Variants in PATJ observed in about 807,000 individuals in gnomAD.
PATJ encodes PATJ crumbs cell polarity complex component.
Under a neutral mutation model 224.9 loss-of-function variants are expected in PATJ, and 190 were observed. The ratio of observed to expected loss-of-function variants is 0.84; its 90% CI spans 0.75 to 0.95. The LOEUF (loss-of-function observed/expected upper bound fraction) is 0.95, where lower values mean the gene tolerates loss of function less well. Ranked by LOEUF, PATJ falls within the 40% of genes least tolerant of loss-of-function variation. PATJ has a pLI of 0.00. For missense variants in PATJ, 2,121 were observed against 2,270.3 expected, an observed-to-expected ratio of 0.93 and a Z score of 1.34; for synonymous variants, 769 against 820.3, an observed-to-expected ratio of 0.94 and a Z score of 1.07.
intron 7 of PATJ, among the ~76,000 whole-genome samples, chr1:61,780,875 G>A (rs765673104): frequency 7.2e-5 from 11 of 152,124 alleles, no homozygotes; most frequent in Admixed American, 2.0e-4. Flanking sequence ...TCTGATTTTC[G>A]CCCTTTACTG....
intron 20 of PATJ, 91 bp downstream of exon 20, chr1:61,864,724 T>C: frequency 8.3e-7 from 1 of 1,205,072 alleles, no homozygotes; most frequent in Non-Finnish European, 1.2e-6. Context: ...TGTTGTTTGT[T>C]TTTAAATGGG....
intron 38 of PATJ, among the ~76,000 whole-genome samples, chr1:62,122,181 A>G (rs1665140823): frequency 6.6e-6 from 1 of 151,876 alleles, no homozygotes; most frequent in South Asian, 2.1e-4. Context: ...CCTGGCCAAC[A>G]TGGAGAAACC....
intron 34 of PATJ, among the ~76,000 whole-genome samples, chr1:62,113,256 T>C (rs1403605235): frequency 6.6e-6 from 1 of 152,178 alleles, no homozygotes; most frequent in Admixed American, 6.5e-5. Context: ...TGAGAAGACT[T>C]CAAGGGGTCT....
intron 20 of PATJ, among the ~76,000 whole-genome samples, chr1:61,868,663 C>G (rs1665778251): frequency 1.3e-5 from 2 of 152,060 alleles, no homozygotes; most frequent in African/African-American, 2.4e-5. Context: ...GTGGTGCATG[C>G]CTGTGGTTCC....
At chr1:62,073,888 A>AT (rs1309801442) in intron 31 of PATJ, among the ~76,000 whole-genome samples, 1 of 152,118 alleles carries the variant, frequency 6.6e-6, no homozygotes, top group Non-Finnish European at 1.5e-5. Context: ...AAATGGAAGA[A>AT]TTTCTATAAA....
Position 61,899,633 on chromosome 1 carries a change from G to C in PATJ, c.3182G>C (p.Ser1061Thr). The C allele has an allele frequency of 6.2e-7, 1 of 1,606,288 alleles. No individual in the cohort carries two copies. Among genetic ancestry groups the C allele is most frequent in the Non-Finnish European group, 8.5e-7 (1 of 1,176,346 alleles). ...EGEGEETPNF[S>T]HWGPPRIVEI... Reference sequence around the variant, plus strand: ...GAAGGAGAAGAAACTCCAAATTTTAGCCACTGGGGTCCACCGAGAATGTAT... The same window carrying C: ...GAAGGAGAAGAAACTCCAAATTTTACCCACTGGGGTCCACCGAGAATGTAT... The change falls in exon 23 of 44, where the codon AGC becomes ACC. Residue 1061 changes from serine (S) to threonine (T), a missense_variant. Transcript: ENST00000642238.
intron 13 of PATJ, among the ~76,000 whole-genome samples, chr1:61,806,306 A>G (rs1204235991): frequency 4.6e-5 from 7 of 152,164 alleles, no homozygotes. Context: ...ATCTGTTGTC[A>G]CAGAATTTTC....
intron 20 of PATJ, among the ~76,000 whole-genome samples, chr1:61,871,557 ATT>A (rs71582650): frequency 0.027 from 1,449 of 54,562 alleles, 13 homozygotes; most frequent in African/African-American, 0.054. Context: ...ATATATATAT[ATT>A]TTTTTTTTTT....
At chr1:61,896,034 C>T (rs1022909360) in intron 22 of PATJ, among the ~76,000 whole-genome samples, 2 of 152,116 alleles carry the variant, frequency 1.3e-5, no homozygotes, top group Admixed American at 6.5e-5. Flanking sequence ...CGGTTGCTGA[C>T]GCCTATAATC....
At chr1:62,099,802 T>C (rs1661919243) in intron 33 of PATJ, among the ~76,000 whole-genome samples, 1 of 152,226 alleles carries the variant, frequency 6.6e-6, no homozygotes, top group Admixed American at 6.5e-5. Context: ...CTTATTGATA[T>C]CCTTCAGCCC....
intron 28 of PATJ, among the ~76,000 whole-genome samples, chr1:61,996,015 C>T (rs147515125): frequency 0.011 from 1,639 of 152,262 alleles, 14 homozygotes; most frequent in Middle Eastern, 0.041. Flanking sequence ...GTGTATTGAG[C>T]TGTGTTTTGT....
At chr1:61,984,442 A>G (rs1277160461) in intron 27 of PATJ, among the ~76,000 whole-genome samples, 3 of 151,998 alleles carry the variant, frequency 2.0e-5, no homozygotes, top group Non-Finnish European at 4.4e-5. Context: ...GATTACAGGC[A>G]TGAGCCCCTG....
chr1:62,079,324 A>G (rs1658868846), intron 31 of PATJ, 126 bp from the exon 32 acceptor site: 1 of 631,850 alleles, frequency 1.6e-6, no homozygotes, highest in Admixed American at 2.8e-5. Context: ...CCACCCTCCA[A>G]CCTTATATTC....
chr1:62,013,336 A>G, intron 28 of PATJ: 2 of 985,140 alleles, frequency 2.0e-6, no homozygotes, highest in Non-Finnish European at 2.4e-6. Flanking sequence ...TTTTTTTTTA[A>G]CCTTAGTCAC....
rs1442035282 is a variant in PATJ, at chr1:61,827,593, G to A, written c.1980+10G>A. The A allele has an allele frequency of 3.7e-6, 6 of 1,612,392 alleles. No homozygotes were observed. Among genetic ancestry groups the A allele is most frequent in the South Asian group, 2.2e-5 (2 of 90,840 alleles). On this transcript the variant is annotated intron_variant, in intron 16 of 43. Transcript: ENST00000642238. ...TCTTCCTGAGACAGAGGTACTAAAT[G>A]AATATAGTGCATTTCCCATAGGCAT... is the stretch of plus-strand genomic sequence containing the variant.
intron 29 of PATJ, among the ~76,000 whole-genome samples, chr1:62,035,614 CA>C (rs1445075869): frequency 4.7e-5 from 6 of 127,332 alleles, no homozygotes; most frequent in East Asian, 2.7e-4. Flanking sequence ...ACCATTCATT[CA>C]TTTTTTTTTT....
intron 9 of PATJ, among the ~76,000 whole-genome samples, chr1:61,792,891 C>T (rs1650196223): frequency 6.6e-6 from 1 of 152,078 alleles, no homozygotes; most frequent in South Asian, 2.1e-4. Flanking sequence ...GCAGGGAGCA[C>T]ATAAATCCAA....
At chr1:62,096,422 C>T (rs1434303905) in intron 33 of PATJ, among the ~76,000 whole-genome samples, 1 of 152,144 alleles carries the variant, frequency 6.6e-6, no homozygotes, top group African/African-American at 2.4e-5. Context: ...AATGAGACTC[C>T]TGCAGTCTGG....
intron 33 of PATJ, among the ~76,000 whole-genome samples, chr1:62,087,590 A>G (rs1434658153): frequency 1.3e-5 from 2 of 151,782 alleles, no homozygotes; most frequent in Admixed American, 6.6e-5. Context: ...TCCTGTCCCT[A>G]TCATTAATGC....
Sources: gnomAD v4.1 joint callset for allele counts (sites outside exome capture counted in the v4.1 genomes callset) on GRCh38, gnomAD v4.1.1 for gene constraint, MANE v1.5 for transcripts, NCBI Gene and HGNC (gene_info 2026-07-23, HGNC 2026-07-21) for gene names.